Variants in GALNT13 observed in about 807,000 individuals in gnomAD.
GALNT13 encodes polypeptide N-acetylgalactosaminyltransferase 13, also known as UDP-GalNAc:polypeptide N-acetylgalactosaminyltransferase 13.
A neutral mutation model predicts 64.2 loss-of-function variants in GALNT13; 28 were observed. The ratio of observed to expected loss-of-function variants is 0.44; its 90% CI spans 0.32 to 0.60. The LOEUF is 0.60. Among genes scored for constraint, GALNT13 ranks in the 20% least tolerant of loss-of-function variants. The pLI is 0.05. For missense variants in GALNT13, 577 were observed against 669.8 expected, an observed-to-expected ratio of 0.86 and a Z score of 1.53; for synonymous variants, 214 against 224.6, an observed-to-expected ratio of 0.95 and a Z score of 0.42.
intron 3 of GALNT13, among the ~76,000 whole-genome samples, chr2:154,019,733 A>G (rs1010193081): frequency 7.9e-5 from 12 of 151,576 alleles, no homozygotes; most frequent in Admixed American, 7.2e-4. Context: ...TAAGTTTTAG[A>G]GTACATGTGC....
the GALNT13 span, among the ~76,000 whole-genome samples, chr2:153,235,993 A>G: frequency 3.3e-5 from 5 of 152,196 alleles, no homozygotes; most frequent in Admixed American, 2.0e-4. Flanking sequence ...TACCTTAGTG[A>G]GCACATAAAT....
the GALNT13 span, among the ~76,000 whole-genome samples, chr2:153,692,043 A>G: frequency 1.3e-5 from 2 of 152,200 alleles, no homozygotes; most frequent in East Asian, 1.9e-4. Context: ...ACTATGCCAC[A>G]TGTGTATGGA....
chr2:153,259,733 G>A, the GALNT13 span, among the ~76,000 whole-genome samples: 1 of 152,174 alleles, frequency 6.6e-6, no homozygotes, highest in Non-Finnish European at 1.5e-5. Context: ...CCCCAGCCAT[G>A]TGGAAGTGTG....
At chr2:153,251,620 C>G in the GALNT13 span, among the ~76,000 whole-genome samples, 12 of 110,206 alleles carry the variant, frequency 1.1e-4, no homozygotes, top group East Asian at 3.4e-4. Flanking sequence ...TCCCTCCCCC[C>G]TCCCCCCACC....
chr2:153,477,285 C>T, the GALNT13 span: 2 of 152,672 alleles, frequency 1.3e-5, no homozygotes, highest in East Asian at 3.9e-4. Context: ...CTCACCGCCG[C>T]CCCGTTCCCC....
rs571093611 is a variant in GALNT13, at chr2:154,088,976, A to G, written c.143-51361A>G. Among the ~76,000 whole-genome samples, 5 of 152,232 alleles carry G rather than the reference A, an allele frequency of 3.3e-5. No individual in the cohort carries two copies. In the South Asian group the frequency reaches 1.0e-3, roughly 32 times the overall value. ...CATCTCTGAGATTTTTTGTGAACAC[A>G]GGAGGGCTCTTCTTGATTTTCTCTT... is the stretch of plus-strand genomic sequence containing the variant. On this transcript the variant is annotated intron_variant, in intron 3 of 12. Transcript: ENST00000392825.
the GALNT13 span, among the ~76,000 whole-genome samples, chr2:153,726,184 G>T: frequency 6.6e-6 from 1 of 152,070 alleles, no homozygotes; most frequent in African/African-American, 2.4e-5. Flanking sequence ...TTACAGAAAT[G>T]TGGTAGACAT....
chr2:153,884,827 A>G lies in GALNT13; in HGVS notation c.-177+12524A>G, dbSNP rs373033024. ...TATATGTGTGTGTGTGTGTATATAT[A>G]TGTGTGTGTGTGTGTGTATATATGT... On this transcript the variant is annotated intron_variant, in intron 1 of 12. Coordinates refer to ENST00000392825, the MANE Select transcript of GALNT13 (RefSeq NM_052917.4). Among the ~76,000 whole-genome samples, 314 of 111,862 alleles carry G rather than the reference A, an allele frequency of 2.8e-3. 1 individual carries two copies. The highest frequency in any genetic ancestry group is 0.01 in the African/African-American group (270 of 26,130). 73.4% of individuals were successfully genotyped at this position (111,862 alleles called of 152,430 possible).
At chr2:154,338,267 G>T (rs944734508) in intron 9 of GALNT13, among the ~76,000 whole-genome samples, 1 of 152,128 alleles carries the variant, frequency 6.6e-6, no homozygotes, top group Non-Finnish European at 1.5e-5. Context: ...GTGTTCTACA[G>T]TGTTTGTACC....
chr2:154,002,820 T>C (rs1032405649), intron 3 of GALNT13, among the ~76,000 whole-genome samples: 2 of 152,212 alleles, frequency 1.3e-5, no homozygotes, highest in African/African-American at 4.8e-5. Flanking sequence ...AGTTTAATCA[T>C]GGGCCCGTTT....
the GALNT13 span, among the ~76,000 whole-genome samples, chr2:153,187,989 T>G: frequency 6.6e-6 from 1 of 152,032 alleles, no homozygotes; most frequent in African/African-American, 2.4e-5. Context: ...GAAGAAGCAT[T>G]TGTTAAATAT....
intron 9 of GALNT13, among the ~76,000 whole-genome samples, chr2:154,381,784 G>T (rs1221837005): frequency 2.6e-5 from 4 of 151,986 alleles, no homozygotes; most frequent in Admixed American, 1.3e-4. Context: ...GCAATTTTTT[G>T]ATTTTATACT....
the GALNT13 span, among the ~76,000 whole-genome samples, chr2:153,814,721 T>C: frequency 6.6e-6 from 1 of 152,178 alleles, no homozygotes; most frequent in East Asian, 1.9e-4. Context: ...TGCTCCTGAT[T>C]GTTTTCATTA....
rs548947793 is a variant in GALNT13 at position 154,248,982 on chromosome 2, C to T, written c.857+3000C>T. ...TTGACCCTGGTCTTAGAGGCTACTG[C>T]CTGGGAAATGGCTGAGTTTGAAACT... On this transcript the variant is annotated intron_variant, in intron 7 of 12. Transcript: ENST00000392825. Among the ~76,000 whole-genome samples, 44 of 152,224 alleles carry T rather than the reference C, an allele frequency of 2.9e-4. No individual in the cohort carries two copies. In the South Asian group the frequency reaches 8.7e-3, roughly 30 times the overall value.
chr2:154,334,151 C>A (rs1695315253), intron 9 of GALNT13, among the ~76,000 whole-genome samples: 1 of 151,676 alleles, frequency 6.6e-6, no homozygotes, highest in African/African-American at 2.4e-5. Flanking sequence ...CTAGAAAATA[C>A]CCATAAGATT....
chr2:153,113,404 T>A, the GALNT13 span, among the ~76,000 whole-genome samples: 813 of 152,122 alleles, frequency 5.3e-3, 6 homozygotes, highest in Non-Finnish European at 7.4e-3. Flanking sequence ...ATTCTCTATT[T>A]TTCTGTTAGT....
chr2:153,684,957 A>T, the GALNT13 span, among the ~76,000 whole-genome samples: 4 of 150,614 alleles, frequency 2.7e-5, no homozygotes, highest in East Asian at 1.9e-4. Flanking sequence ...CTCCAGCTCC[A>T]TTCATGTCCC....
chr2:153,445,450 T>A, the GALNT13 span, among the ~76,000 whole-genome samples: 1 of 152,186 alleles, frequency 6.6e-6, no homozygotes, highest in Non-Finnish European at 1.5e-5. Context: ...TGATCATGGT[T>A]CAATGCAGCC....
the GALNT13 span, among the ~76,000 whole-genome samples, chr2:153,501,361 G>A: frequency 6.6e-5 from 10 of 151,336 alleles, no homozygotes; most frequent in African/African-American, 1.2e-4. Context: ...AGATGGAGTC[G>A]CCCTCTGTCG....
Sources: gnomAD v4.1 joint callset for allele counts (sites outside exome capture counted in the v4.1 genomes callset) on GRCh38, gnomAD v4.1.1 for gene constraint, MANE v1.5 for transcripts, NCBI Gene and HGNC (gene_info 2026-07-23, HGNC 2026-07-21) for gene names.